CATSPERE: variants seen among roughly 807,000 people sequenced by gnomAD.
CATSPERE encodes the protein catsper channel auxiliary subunit epsilon, also known as cation channel sperm-associated auxiliary subunit epsilon.
Under a neutral mutation model 114.1 loss-of-function variants are expected in CATSPERE, and 93 were observed. The ratio of observed to expected loss-of-function variants is 0.81; its 90% confidence interval spans 0.69 to 0.97. The LOEUF (loss-of-function observed/expected upper bound fraction) is 0.97, where lower values mean the gene tolerates loss of function less well. CATSPERE is among the 50% of genes least tolerant of loss of function. The pLI is 0.00. For synonymous variants in CATSPERE, 341 were observed against 384.1 expected (o/e 0.89, Z 1.31); for missense variants, 1,058 against 1,131.6 (o/e 0.93, Z 0.93).
chr1:244,622,973 C>A (rs1389883294), intron 20 of CATSPERE, among the ~76,000 whole-genome samples: 1 of 152,040 alleles, frequency 6.6e-6, no homozygotes, highest in Admixed American at 6.6e-5. Context: ...TTATGATTAC[C>A]CTCATAATAA....
chr1:244,542,727 G>C (rs1011076873), intron 8 of CATSPERE, among the ~76,000 whole-genome samples: 12 of 152,042 alleles, frequency 7.9e-5, no homozygotes, highest in Admixed American at 7.9e-4. Flanking sequence ...CTAAAGATAA[G>C]CTCAGCCAAT....
chr1:244,639,661 A>AGAGG (rs2148766749), intron 21 of CATSPERE, among the ~76,000 whole-genome samples: 1 of 136,302 alleles, frequency 7.3e-6, no homozygotes, highest in Admixed American at 7.9e-5. Flanking sequence ...GCTGGGTGAC[A>AGAGG]GAGGGAGACT....
chr1:244,617,504 A>C (rs1448545350), intron 19 of CATSPERE, 25 bp from the exon 20 acceptor site: 2 of 1,471,920 alleles, frequency 1.4e-6, no homozygotes, highest in Non-Finnish European at 1.8e-6. Flanking sequence ...TGACCTTAAA[A>C]TTTTTGTCTT....
intron 5 of CATSPERE, among the ~76,000 whole-genome samples, chr1:244,484,393 A>G (rs1372819294): frequency 2.0e-5 from 3 of 152,242 alleles, no homozygotes; most frequent in Admixed American, 2.0e-4. Context: ...AAGAAGAGAA[A>G]CACTGATAAC....
chr1:244,627,077 C>T lies in CATSPERE; in HGVS notation c.2649-8412C>T, dbSNP rs118020300. On this transcript the variant is annotated intron_variant, in intron 20 of 21. Transcript: ENST00000366534. Reference sequence around the variant, plus strand: ...TGTGCCTCTTCCATTTACTTGAACACGTAGAGGCTATTTTAAGGTTATTAA... The same window carrying T: ...TGTGCCTCTTCCATTTACTTGAACATGTAGAGGCTATTTTAAGGTTATTAA... 1.5e-3 allele frequency among the ~76,000 whole-genome samples: 224 copies of T among 152,218 alleles called. 3 individuals carry two copies. In the East Asian group the frequency reaches 0.027, roughly 18 times the overall value.
In CATSPERE at chr1:244,504,615, G is replaced by A. The variant is rs79329143; in HGVS notation, c.429+5536G>A. On this transcript the variant is annotated intron_variant, in intron 7 of 21. Transcript: ENST00000366534. This position sits in a 1 kb window ranked among gnomAD's most constrained non-coding sequence, Gnocchi z 4.1. ...CATGGCTTTTGATGCCCTTGGAAAT[G>A]TTGAGGATTGCTGGTCAGATATTTT... 0.014 allele frequency among the ~76,000 whole-genome samples: 2,067 copies of A among 152,312 alleles called. 26 individuals are homozygous for A. The highest frequency in any genetic ancestry group is 0.041 in the South Asian group (196 of 4,824).
In CATSPERE at chr1:244,552,615, A is replaced by G. The variant is rs907908869; in HGVS notation, c.830A>G (p.Asp277Gly). The change falls in exon 9 of 22, where the codon GAC becomes GGC. Residue 277 changes from aspartate (D) to glycine (G), a missense_variant. Around this residue, in one of 2 missense-constraint regions of CATSPERE, gnomAD observed 787 missense variants for 905.6 expected, o/e 0.87. Transcript: ENST00000366534. The part of the protein sequence containing the change: ...KSWTRIRVPP[D>G]ILSDDERRSV... ...TGGACCAGAATCAGAGTGCCTCCAG[A>G]CATTCTGAGTGATGATGAAAGACGG... 9.3e-6 allele frequency: 15 copies of G among 1,614,062 alleles called. No individual in the cohort carries two copies. The African/African-American group carries it at 1.9e-4, about 20-fold the overall frequency.
At position 244,620,491 on chromosome 1, in the gene CATSPERE, T is replaced by C. The variant is rs527371012; in HGVS notation, c.2648+2805T>C. Among the ~76,000 whole-genome samples the C allele has an allele frequency of 6.6e-5, 10 of 152,298 alleles. No homozygotes were observed. In the South Asian group the frequency reaches 1.2e-3, roughly 19 times the overall value. ...TTACAATACCTACAGAGCACACATA[T>C]TCTCTTCCAGTGCCTAGGGAAACAC... On this transcript the variant is annotated intron_variant, in intron 20 of 21. Coordinates refer to ENST00000366534, the MANE Select transcript of CATSPERE (RefSeq NM_001130957.2).
chr1:244,623,878 C>T (rs971099002), intron 20 of CATSPERE, among the ~76,000 whole-genome samples: 1 of 152,178 alleles, frequency 6.6e-6, no homozygotes, highest in Admixed American at 6.5e-5. Context: ...AAGTCATAAT[C>T]TTTTTGTTGA....
In CATSPERE at chr1:244,621,070, A is replaced by AT. The variant is rs1490814574; in HGVS notation, c.2648+3384_2648+3385insT. ...TATATAAATATATATAAATATATAT[A>AT]AAATATATATATAAATATATATAAA... On this transcript the variant is annotated intron_variant, in intron 20 of 21. Transcript: ENST00000366534. 3.6e-3 allele frequency among the ~76,000 whole-genome samples: 227 copies of AT among 62,608 alleles called. 4 individuals are homozygous for AT. The highest frequency in any genetic ancestry group is 9.9e-3 in the African/African-American group (151 of 15,286). 41.1% of individuals were successfully genotyped at this position (62,608 alleles called of 152,430 possible). A position where few individuals can be genotyped will look rare whatever the true frequency, so the allele number is the denominator to read the frequency against.
At chr1:244,486,977 T>G (rs1251789197) in intron 5 of CATSPERE, among the ~76,000 whole-genome samples, 1,366 of 25,692 alleles carry the variant, frequency 0.053, no homozygotes, top group Middle Eastern at 0.071. Context: ...TCGTGGGCCA[T>G]GTGTAGACCC....
At chr1:244,576,003 T>C (rs1270709913) in intron 11 of CATSPERE, among the ~76,000 whole-genome samples, 1 of 152,136 alleles carries the variant, frequency 6.6e-6, no homozygotes, top group Non-Finnish European at 1.5e-5. Context: ...GTCTGTTTCC[T>C]TGGTATATCC....
intron 8 of CATSPERE, among the ~76,000 whole-genome samples, chr1:244,536,261 G>A (rs1158351168): frequency 6.6e-6 from 1 of 151,950 alleles, no homozygotes; most frequent in Non-Finnish European, 1.5e-5. Context: ...TAGCTACCCA[G>A]GGTAGTGTCT....
chr1:244,493,076 AC>A (rs1672495181), intron 6 of CATSPERE, among the ~76,000 whole-genome samples: 1 of 151,238 alleles, frequency 6.6e-6, no homozygotes, highest in South Asian at 2.1e-4. Flanking sequence ...GACTTTCTTC[AC>A]AGAATTGGAA....
intron 19 of CATSPERE, among the ~76,000 whole-genome samples, chr1:244,611,053 C>T (rs1192157728): frequency 6.6e-6 from 1 of 152,182 alleles, no homozygotes; most frequent in Non-Finnish European, 1.5e-5. Context: ...AGCCACCGCA[C>T]CCAGCCTCCC....
chr1:244,581,771 T>A lies in CATSPERE; in HGVS notation c.1951-25T>A, dbSNP rs1056317432. The A allele has an allele frequency of 9.8e-6, 11 of 1,127,570 alleles. No individual in the cohort carries two copies. In the African/African-American group the frequency reaches 1.6e-4, roughly 16 times the overall value. The allele number at this position is 1,127,570 out of a possible 1,614,324, so 69.8% of individuals were successfully genotyped here. ...CCACCCCCAATTTCCCTGCTTTACA[T>A]AAATTTTAAATTTTCTTTTTTCAGA... On this transcript the variant is annotated intron_variant, in intron 11 of 21. Transcript: ENST00000366534.
intron 7 of CATSPERE, among the ~76,000 whole-genome samples, chr1:244,517,624 T>A (rs897699368): frequency 1.2e-4 from 18 of 151,544 alleles, no homozygotes; most frequent in Non-Finnish European, 5.9e-5. Context: ...ATAAAAAAAA[T>A]TAGTGGGGCA....
chr1:244,495,407 C>T (rs1462959043), intron 6 of CATSPERE, among the ~76,000 whole-genome samples: 1 of 152,084 alleles, frequency 6.6e-6, no homozygotes, highest in Non-Finnish European at 1.5e-5. Context: ...ACTAACCTCC[C>T]TATATGAAGT....
upstream of CATSPERE, chr1:244,461,222 C>T: frequency 2.5e-6 from 1 of 402,624 alleles, no homozygotes; most frequent in Non-Finnish European, 4.3e-6. Context: ...CGCACTCCGG[C>T]TACTTTCAGG....
Sources: allele counts gnomAD v4.1 joint callset (sites outside exome capture counted in the v4.1 genomes callset), GRCh38; gene constraint gnomAD v4.1.1; regional missense constraint gnomAD v4.1.1; non-coding constraint Gnocchi (gnomAD v3.1); transcripts MANE v1.5; gene names NCBI Gene and HGNC (gene_info 2026-07-23, HGNC 2026-07-21).